The following ERMP1 variants were observed in gnomAD, a reference collection of about 807,000 sequenced individuals.
The protein encoded by ERMP1 is endoplasmic reticulum metallopeptidase 1, also known as Felix-ina.
In ERMP1, 86 loss-of-function variants were observed where a neutral mutation model predicts 92.0. The ratio of observed to expected loss-of-function variants is 0.93; its 90% CI spans 0.79 to 1.12. ERMP1 has a LOEUF of 1.12. Ranked by LOEUF, ERMP1 falls within the 50% of genes most tolerant of loss-of-function variation. The pLI is 0.00. For missense variants in ERMP1, 1,342 were observed against 1,116.3 expected, an observed-to-expected ratio of 1.20 and a Z score of -2.88; for synonymous variants, 530 against 412.8, an observed-to-expected ratio of 1.28 and a Z score of -3.44.
intron 13 of ERMP1, 86 bp downstream of exon 13, chr9:5,797,731 G>T: frequency 1.3e-6 from 1 of 799,042 alleles, no homozygotes; most frequent in Non-Finnish European, 2.1e-6. Flanking sequence ...TGGTTCCTGT[G>T]ATATATCTGA....
intron 6 of ERMP1, among the ~76,000 whole-genome samples, chr9:5,839,563 T>C (rs554558873): frequency 6.6e-6 from 1 of 152,318 alleles, no homozygotes; most frequent in African/African-American, 2.4e-5. Flanking sequence ...AAAACATTAA[T>C]GAGAGTTTAC....
chr9:5,839,178 A>G (rs1015730293), intron 6 of ERMP1, among the ~76,000 whole-genome samples: 3 of 152,266 alleles, frequency 2.0e-5, no homozygotes, highest in Admixed American at 6.5e-5. Context: ...GTTTAGGGTC[A>G]AGATTCAGTA....
At chr9:5,839,553 A>G (rs1830133443) in intron 6 of ERMP1, among the ~76,000 whole-genome samples, 1 of 152,202 alleles carries the variant, frequency 6.6e-6, no homozygotes, top group Non-Finnish European at 1.5e-5. Flanking sequence ...TTAGTGAACT[A>G]AAACATTAAT....
At chr9:5,863,134 G>C (rs972135495) in intron 5 of ERMP1, among the ~76,000 whole-genome samples, 2 of 152,162 alleles carry the variant, frequency 1.3e-5, no homozygotes, top group Non-Finnish European at 2.9e-5. Flanking sequence ...AAAGGACAAA[G>C]ACCCTGCTAT....
At chr9:5,834,705 G>GTGTGTGTGTT (rs1414658450), upstream of ERMP1, among the ~76,000 whole-genome samples, 1 of 131,910 alleles carries the variant, frequency 7.6e-6, no homozygotes, top group Non-Finnish European at 1.5e-5. Flanking sequence ...ATGTATATAT[G>GTGTGTGTGTT]TGTGTGTGTG....
At chr9:5,794,780 C>G (rs1295714517) in intron 13 of ERMP1, among the ~76,000 whole-genome samples, 8 of 152,058 alleles carry the variant, frequency 5.3e-5, no homozygotes, top group African/African-American at 1.9e-4. Flanking sequence ...GAAAAAGAAC[C>G]TACCAAGCCT....
In ERMP1 at chr9:5,788,458, A is replaced by C. The variant is rs79988315; in HGVS notation, c.2387-865T>G. ...GAATCCTTTGGCATTTGGGTGGTGAAGATGAAAAGAAGCAAAAGAAAATTC... is the reference window on the plus strand; with the variant it reads ...GAATCCTTTGGCATTTGGGTGGTGACGATGAAAAGAAGCAAAAGAAAATTC... On this transcript the variant is annotated intron_variant, in intron 13 of 14. Coordinates refer to ENST00000339450, the MANE Select transcript of ERMP1 (RefSeq NM_024896.3). Among the ~76,000 whole-genome samples, 1,160 of 152,352 alleles carry C rather than the reference A, an allele frequency of 7.6e-3. 23 individuals carry two copies. Among genetic ancestry groups the C allele is most frequent in the African/African-American group, 0.027 (1,117 of 41,578 alleles).
chr9:5,830,074 C>A (rs796701145), intron 2 of ERMP1, among the ~76,000 whole-genome samples: 1 of 152,174 alleles, frequency 6.6e-6, no homozygotes, highest in African/African-American at 2.4e-5. Context: ...CTCAGTGGAG[C>A]AAAATTCTCA....
At chr9:5,833,735 G>C (rs894426923), upstream of ERMP1, among the ~76,000 whole-genome samples, 11 of 152,192 alleles carry the variant, frequency 7.2e-5, no homozygotes, top group African/African-American at 9.7e-5. Context: ...GAGAAACGTA[G>C]AGATAACAGA....
intron 13 of ERMP1, among the ~76,000 whole-genome samples, chr9:5,788,672 C>CA (rs1178189885): frequency 2.0e-5 from 3 of 150,496 alleles, no homozygotes; most frequent in South Asian, 2.1e-4. Context: ...CAGTTATTAC[C>CA]AAAAAAAAGT....
chr9:5,866,975 G>A (rs1830687651), intron 5 of ERMP1, among the ~76,000 whole-genome samples: 2 of 152,196 alleles, frequency 1.3e-5, no homozygotes. Context: ...GGAGGCTGAG[G>A]CAGAAGGATT....
intron 10 of ERMP1, among the ~76,000 whole-genome samples, chr9:5,803,272 A>T (rs1828742814): frequency 6.6e-6 from 1 of 152,210 alleles, no homozygotes; most frequent in Non-Finnish European, 1.5e-5. Context: ...AACTCATGGC[A>T]TCAAAGTGCG....
chr9:5,835,563 G>C (rs998246564), upstream of ERMP1, among the ~76,000 whole-genome samples: 3 of 152,176 alleles, frequency 2.0e-5, no homozygotes, highest in Non-Finnish European at 2.9e-5. Context: ...TGTTCCAGCA[G>C]AGGAAAGTGA....
At chr9:5,809,321 G>C (rs1318482566) in intron 8 of ERMP1, among the ~76,000 whole-genome samples, 1 of 152,164 alleles carries the variant, frequency 6.6e-6, no homozygotes, top group Non-Finnish European at 1.5e-5. Context: ...CGCCCGGCCA[G>C]CCCTAATTTC....
At chr9:5,865,514 T>A (rs201784106) in intron 5 of ERMP1, among the ~76,000 whole-genome samples, 1 of 1,146 alleles carries the variant, frequency 8.7e-4, no homozygotes, top group African/African-American at 9.3e-4. Flanking sequence ...TCTCAAAAAA[T>A]AATAATAATA....
chr9:5,846,230 T>C (rs531923697), intron 6 of ERMP1, among the ~76,000 whole-genome samples: 1 of 152,272 alleles, frequency 6.6e-6, no homozygotes, highest in Admixed American at 6.5e-5. Flanking sequence ...GCAGCCTGCA[T>C]CCATGTCACT....
intron 6 of ERMP1, chr9:5,856,049 C>T: frequency 2.6e-6 from 1 of 383,860 alleles, no homozygotes; most frequent in Admixed American, 3.1e-5. Context: ...ATATACCCTG[C>T]TGCAAGGAGG....
intron 9 of ERMP1, 48 bp from the exon 10 acceptor site, chr9:5,805,265 A>G (rs1327867759): frequency 6.9e-7 from 1 of 1,440,304 alleles, no homozygotes; most frequent in Non-Finnish European, 9.5e-7. Context: ...TCCTCCAGTG[A>G]GATATAAATT....
chr9:5,855,133 A>G (rs1830357109), intron 6 of ERMP1, among the ~76,000 whole-genome samples: 2 of 152,228 alleles, frequency 1.3e-5, no homozygotes, highest in Non-Finnish European at 2.9e-5. Context: ...GTATTATTTA[A>G]TAACTTAAAT....
Sources: gnomAD v4.1 joint callset for allele counts (sites outside exome capture counted in the v4.1 genomes callset) on GRCh38, gnomAD v4.1.1 for gene constraint, MANE v1.5 for transcripts, NCBI Gene and HGNC (gene_info 2026-07-23, HGNC 2026-07-21) for gene names.